Variants in OR2L13 observed in about 807,000 individuals in gnomAD.
OR2L13 encodes olfactory receptor family 2 subfamily L member 13.
OR2L13 carries 14 observed loss-of-function variants against 15.3 expected under a neutral mutation model. The observed-to-expected ratio is 0.91, with a 90% CI of 0.60 to 1.43. The LOEUF is 1.43. Ranked by LOEUF, OR2L13 falls within the 40% of genes most tolerant of loss-of-function variation. OR2L13 has a pLI of 0.00. For missense variants in OR2L13, 367 were observed against 387.9 expected, an observed-to-expected ratio of 0.95 and a Z score of 0.45; for synonymous variants, 152 against 142.9, an observed-to-expected ratio of 1.06 and a Z score of -0.45.
the OR2L13 span, among the ~76,000 whole-genome samples, chr1:247,978,257 A>G: frequency 6.6e-6 from 1 of 152,086 alleles, no homozygotes; most frequent in Non-Finnish European, 1.5e-5. Flanking sequence ...CAGCTGACAT[A>G]TGATTATTAA....
chr1:248,082,493 T>C, the OR2L13 span, among the ~76,000 whole-genome samples: 4 of 151,364 alleles, frequency 2.6e-5, no homozygotes, highest in African/African-American at 7.3e-5. Context: ...AAACTTAAAG[T>C]ATAATAAAAA....
At chr1:248,059,336 C>A in the OR2L13 span, among the ~76,000 whole-genome samples, 1 of 152,056 alleles carries the variant, frequency 6.6e-6, no homozygotes, top group East Asian at 1.9e-4. Flanking sequence ...GCACCTCTAC[C>A]CGGAAGTTTG....
At chr1:248,015,415 T>A in the OR2L13 span, among the ~76,000 whole-genome samples, 2 of 152,236 alleles carry the variant, frequency 1.3e-5, no homozygotes, top group African/African-American at 4.8e-5. Flanking sequence ...ACAAGTGTTG[T>A]CAATGTGAAA....
the OR2L13 span, among the ~76,000 whole-genome samples, chr1:248,078,045 G>A: frequency 6.6e-6 from 1 of 152,098 alleles, no homozygotes; most frequent in Non-Finnish European, 1.5e-5. Flanking sequence ...ATACTAAAAT[G>A]ATTTCCAATA....
the OR2L13 span, among the ~76,000 whole-genome samples, chr1:248,037,825 A>T: frequency 6.6e-6 from 1 of 152,200 alleles, no homozygotes; most frequent in Non-Finnish European, 1.5e-5. Flanking sequence ...ACACTTCATA[A>T]ATTTTCAATT....
the OR2L13 span, among the ~76,000 whole-genome samples, chr1:247,947,122 T>C: frequency 6.6e-6 from 1 of 152,202 alleles, no homozygotes; most frequent in Non-Finnish European, 1.5e-5. Flanking sequence ...TTTTATCAAT[T>C]AATACAATTT....
chr1:248,061,700 C>T, the OR2L13 span: 2 of 1,290,720 alleles, frequency 1.5e-6, no homozygotes, highest in Non-Finnish European at 2.1e-6. Flanking sequence ...TTATTTCAAT[C>T]CTAGAGTTCA....
chr1:248,099,791 T>C (rs1200229203), exon 3 of OR2L13: 2 of 1,614,154 alleles, frequency 1.2e-6, no homozygotes, highest in Admixed American at 1.7e-5. Context: ...AGTAAAATGA[T>C]GTGTGTGAAG....
chr1:247,967,866 TCTC>T, the OR2L13 span, among the ~76,000 whole-genome samples: 1 of 151,602 alleles, frequency 6.6e-6, no homozygotes, highest in Non-Finnish European at 1.5e-5. Flanking sequence ...TCCTCCTCCT[TCTC>T]CTCCTCGTCC....
the OR2L13 span, chr1:247,937,224 C>CCACCAGGT: frequency 6.5e-6 from 1 of 153,186 alleles, no homozygotes; most frequent in Non-Finnish European, 1.5e-5. Context: ...CCAGCCGCGG[C>CCACCAGGT]GTCTTTGGCA....
the OR2L13 span, chr1:247,939,228 C>G: frequency 6.6e-6 from 1 of 152,110 alleles, no homozygotes; most frequent in Non-Finnish European, 1.5e-5. Flanking sequence ...ATATCTACAT[C>G]AGATTCTCTT....
chr1:248,082,297 T>A, the OR2L13 span, among the ~76,000 whole-genome samples: 1 of 133,166 alleles, frequency 7.5e-6, no homozygotes, highest in African/African-American at 2.8e-5. Context: ...AACAATGAGA[T>A]CACATGGACA....
At chr1:247,987,998 T>G in the OR2L13 span, among the ~76,000 whole-genome samples, 1 of 152,152 alleles carries the variant, frequency 6.6e-6, no homozygotes, top group African/African-American at 2.4e-5. Flanking sequence ...ACTTAATATT[T>G]TATCTCTAGA....
At chr1:248,006,235 T>C in the OR2L13 span, among the ~76,000 whole-genome samples, 1 of 145,286 alleles carries the variant, frequency 6.9e-6, no homozygotes, top group East Asian at 2.0e-4. Flanking sequence ...TGTGAAATAT[T>C]GCAAGATATG....
chr1:248,040,410 T>G, the OR2L13 span: 1 of 152,118 alleles, frequency 6.6e-6, no homozygotes. Context: ...GACTGAATGG[T>G]CCTTGAGCAA....
chr1:247,989,586 A>C, the OR2L13 span, among the ~76,000 whole-genome samples: 4 of 152,320 alleles, frequency 2.6e-5, no homozygotes, highest in East Asian at 5.8e-4. Flanking sequence ...TCTCTCACAA[A>C]ATATAATTTC....
At chr1:248,084,634 AGAAG>A in the OR2L13 span, 2 of 1,554,922 alleles carry the variant, frequency 1.3e-6, no homozygotes. Flanking sequence ...GGAAAAATAG[AGAAG>A]GAAGAGGCTT....
the OR2L13 span, among the ~76,000 whole-genome samples, chr1:248,027,510 C>T: frequency 3.9e-5 from 6 of 152,092 alleles, no homozygotes; most frequent in African/African-American, 9.7e-5. Context: ...TTTTACAGTT[C>T]GGGGGCACCA....
At chr1:248,017,917 G>A in the OR2L13 span, among the ~76,000 whole-genome samples, 2 of 152,034 alleles carry the variant, frequency 1.3e-5, no homozygotes, top group African/African-American at 4.8e-5. Context: ...AGGTGAGGGA[G>A]AAGGAAAAAA....
Sources: gnomAD v4.1 joint callset for allele counts (sites outside exome capture counted in the v4.1 genomes callset) on GRCh38, gnomAD v4.1.1 for gene constraint, MANE v1.5 for transcripts, NCBI Gene and HGNC (gene_info 2026-07-23, HGNC 2026-07-21) for gene names.